KCNT1: variants seen among roughly 807,000 people sequenced by gnomAD.
KCNT1 encodes potassium sodium-activated channel subfamily T member 1.
Under a neutral mutation model 147.8 loss-of-function variants are expected in KCNT1, and 78 were observed. The observed-to-expected ratio is 0.53, with a 90% CI of 0.44 to 0.64. The LOEUF is 0.64. KCNT1 is among the 30% of genes least tolerant of loss of function. The probability of loss-of-function intolerance (pLI) is 0.00; values close to 1 mark genes in which losing one functional copy is unlikely to be tolerated. For synonymous variants in KCNT1, 867 were observed against 748.8 expected, an observed-to-expected ratio of 1.16 and a Z score of -2.58; for missense variants, 1,419 against 1,750.3, an observed-to-expected ratio of 0.81 and a Z score of 3.38.
At chr9:135,781,311 G>A (rs1465954638) in intron 24 of KCNT1, among the ~76,000 whole-genome samples, 1 of 152,198 alleles carries the variant, frequency 6.6e-6, no homozygotes, top group Non-Finnish European at 1.5e-5. Context: ...CTGGGCCCTG[G>A]GCAGGGCCAG....
At chr9:135,743,178 G>C (rs534550777) in intron 2 of KCNT1, among the ~76,000 whole-genome samples, 3 of 152,218 alleles carry the variant, frequency 2.0e-5, no homozygotes, top group African/African-American at 7.2e-5. Context: ...TTGGCTGCCT[G>C]TGCCGGTCGA....
intron 10 of KCNT1, 51 bp from the exon 11 acceptor site, chr9:135,759,627 CG>C: frequency 4.6e-6 from 7 of 1,531,324 alleles, no homozygotes; most frequent in Non-Finnish European, 6.2e-6. Flanking sequence ...TGAGGGGCCA[CG>C]GCCCCCCAGC....
chr9:135,751,964 C>A, intron 4 of KCNT1: 1 of 191,128 alleles, frequency 5.2e-6, no homozygotes, highest in Non-Finnish European at 1.1e-5. Flanking sequence ...GATGGTGTCT[C>A]CAGTCCTTTC....
At chr9:135,786,687 G>C (rs1834080237) in intron 29 of KCNT1, among the ~76,000 whole-genome samples, 166 bp downstream of exon 29, 1 of 152,238 alleles carries the variant, frequency 6.6e-6, no homozygotes, top group Admixed American at 6.5e-5. Flanking sequence ...CTCTACTGTG[G>C]GGCCAGCTGT....
rs932216282 is a variant in KCNT1, at chr9:135,752,143, C to T, written c.434+1102C>T. 8.9e-6 allele frequency: 3 copies of T among 338,402 alleles called. No homozygotes were observed. The highest frequency in any genetic ancestry group is 6.5e-5 in the African/African-American group (3 of 46,392). 21.0% of individuals were successfully genotyped at this position (338,402 alleles called of 1,614,324 possible). The stretch of plus-strand genomic sequence containing the variant: ...CGTGTGTGGTGTGGTTGTCACCATC[C>T]AGCCATCGGGGTGAACCCTGCCAGC... On this transcript the variant is annotated intron_variant, in intron 4 of 30. Coordinates refer to ENST00000371757, the MANE Select transcript of KCNT1 (RefSeq NM_020822.3). The surrounding 1 kb of genome is among the most constrained non-coding windows in gnomAD (Gnocchi z 5.1).
intron 11 of KCNT1, among the ~76,000 whole-genome samples, 154 bp downstream of exon 11, chr9:135,760,013 GC>G (rs1368318723): frequency 3.3e-5 from 5 of 152,272 alleles, no homozygotes; most frequent in African/African-American, 1.2e-4. Flanking sequence ...TCCGTTGCAC[GC>G]CCCCACTGAG....
chr9:135,729,766 A>T (rs1836356527), intron 2 of KCNT1, among the ~76,000 whole-genome samples: 1 of 152,088 alleles, frequency 6.6e-6, no homozygotes, highest in Non-Finnish European at 1.5e-5. Context: ...GACAGAGCTT[A>T]CTTGATCGAG....
chr9:135,788,253 C>A, intron 29 of KCNT1: 2 of 1,087,754 alleles, frequency 1.8e-6, no homozygotes, highest in Non-Finnish European at 2.8e-6. Flanking sequence ...CCCGGCCAGG[C>A]AGGTGGACAG....
rs1206106180 is a variant in KCNT1, at chr9:135,791,807, C to T, written c.3513C>T (p.Asn1171=). 14 of 1,613,738 alleles carry T rather than the reference C, an allele frequency of 8.7e-6. No homozygotes were observed. The highest frequency in any genetic ancestry group is 1.1e-5 in the Non-Finnish European group (13 of 1,179,860). ...GLPTTGYDEM[N]DHQNTLSYVL... is the part of the protein sequence containing the mutation. Reference sequence around the variant, plus strand: ...CTGTGTCCTTTGCAGACGAGATGAACGACCACCAGAACACCCTCTCCTACG... The same window carrying T: ...CTGTGTCCTTTGCAGACGAGATGAATGACCACCAGAACACCCTCTCCTACG... Residue 1171 remains asparagine, a synonymous_variant, in exon 30 of 31, where the codon AAC becomes AAT. Coordinates refer to ENST00000371757, the MANE Select transcript of KCNT1 (RefSeq NM_020822.3).
chr9:135,772,643 C>T, intron 18 of KCNT1, 72 bp from the exon 19 acceptor site: 1 of 1,180,394 alleles, frequency 8.5e-7, no homozygotes, highest in South Asian at 2.1e-5. Context: ...CTGTGTTCAC[C>T]TGAGCTCTGG....
chr9:135,708,009 A>G (rs1250882344), intron 1 of KCNT1, among the ~76,000 whole-genome samples: 2 of 152,232 alleles, frequency 1.3e-5, no homozygotes, highest in African/African-American at 2.4e-5. Flanking sequence ...GGGCATCTCG[A>G]GCAGCTCTGA....
chr9:135,707,375 C>T (rs937638150), intron 1 of KCNT1, among the ~76,000 whole-genome samples: 10 of 152,108 alleles, frequency 6.6e-5, no homozygotes, highest in Admixed American at 3.9e-4. Flanking sequence ...GGTCCCCTGC[C>T]GGCTCCAGGC....
At position 135,731,991 on chromosome 9, in the gene KCNT1, T is replaced by TAGAGAGAGAGAG. The variant is rs1189149987; in HGVS notation, c.254+17310_254+17321dup. ...ATATATATATATATATATATATATA[T>TAGAGAGAGAGAG]AGAGAGAGAGAGAGAGAGAGAGAGA... On this transcript the variant is annotated intron_variant, in intron 2 of 30. Transcript: ENST00000371757. Among the ~76,000 whole-genome samples the TAGAGAGAGAGAG allele has an allele frequency of 3.8e-3, 82 of 21,678 alleles. 7 individuals carry two copies. The highest frequency in any genetic ancestry group is 7.2e-3 in the African/African-American group (41 of 5,698). The allele number at this position is 21,678 out of a possible 152,430, so 14.2% of individuals were successfully genotyped here. A position where few individuals can be genotyped will look rare whatever the true frequency, so the allele number is the denominator to read the frequency against.
chr9:135,779,579 G>T lies in KCNT1; in HGVS notation c.2841+109G>T, dbSNP rs880929. ...TGCCATGGGAGGCTGGGCTCCTGCC[G>T]CCCTCCTGCTGGGGAACTCAGGAGA... On this transcript the variant is annotated intron_variant, in intron 24 of 30. Transcript: ENST00000371757. 0.071 allele frequency: 57,345 copies of T among 804,764 alleles called. 2,684 individuals carry two copies. The highest frequency in any genetic ancestry group is 0.19 in the East Asian group (7,597 of 39,030). The allele number at this position is 804,764 out of a possible 1,614,324, so 49.9% of individuals were successfully genotyped here. A position where few individuals can be genotyped will look rare whatever the true frequency, so the allele number is the denominator to read the frequency against.
At chr9:135,779,113 C>T (rs1416881117) in intron 23 of KCNT1, among the ~76,000 whole-genome samples, 10 of 146,860 alleles carry the variant, frequency 6.8e-5, no homozygotes, top group African/African-American at 1.0e-4. Flanking sequence ...CCCACAGCCA[C>T]GACCACAAGC....
chr9:135,708,317 A>T (rs1835341200), intron 1 of KCNT1, among the ~76,000 whole-genome samples: 1 of 152,208 alleles, frequency 6.6e-6, no homozygotes, highest in Non-Finnish European at 1.5e-5. Context: ...AATCCCATCC[A>T]CACATGCATG....
chr9:135,751,900 G>A (rs1831199052), intron 4 of KCNT1, among the ~76,000 whole-genome samples: 1 of 152,160 alleles, frequency 6.6e-6, no homozygotes, highest in Non-Finnish European at 1.5e-5. Flanking sequence ...TCGTCCACTT[G>A]TTCTGTCCTG....
chr9:135,746,752 T>G (rs1015513408), intron 2 of KCNT1, among the ~76,000 whole-genome samples: 1 of 151,770 alleles, frequency 6.6e-6, no homozygotes. Context: ...GCTGGCTGGG[T>G]GTTGCCTTGG....
intron 2 of KCNT1, among the ~76,000 whole-genome samples, chr9:135,735,865 G>A (rs554520339): frequency 5.6e-4 from 85 of 152,328 alleles, no homozygotes; most frequent in African/African-American, 1.9e-3. Flanking sequence ...GCCTCCCGGT[G>A]CCAATACCCC....
Sources: allele counts gnomAD v4.1 joint callset (sites outside exome capture counted in the v4.1 genomes callset), GRCh38; gene constraint gnomAD v4.1.1; non-coding constraint Gnocchi (gnomAD v3.1); transcripts MANE v1.5; gene names NCBI Gene and HGNC (gene_info 2026-07-23, HGNC 2026-07-21).